SLC68A1: variants seen among roughly 807,000 people sequenced by gnomAD.
SLC68A1 encodes solute carrier family 68 member 1, also known as major facilitator superfamily domain containing 13A.
At chr10:102,465,489 T>C in the SLC68A1 span, among the ~76,000 whole-genome samples, 1 of 152,074 alleles carries the variant, frequency 6.6e-6, no homozygotes. Flanking sequence ...TGGCTTTAAA[T>C]TCCTTTTGCA....
chr10:102,475,060 G>A, the SLC68A1 span, among the ~76,000 whole-genome samples: 5 of 152,152 alleles, frequency 3.3e-5, no homozygotes, highest in Admixed American at 3.3e-4. Flanking sequence ...GGGAGGCTGA[G>A]GAGGGCAGAT....
At chr10:102,471,190 G>A in the SLC68A1 span, 28 of 1,599,918 alleles carry the variant, frequency 1.8e-5, no homozygotes, top group Middle Eastern at 1.7e-4. Flanking sequence ...CTGGGTCCCC[G>A]GCTGATGGGG....
chr10:102,476,446 C>A, the SLC68A1 span: 1 of 922,648 alleles, frequency 1.1e-6, no homozygotes, highest in Non-Finnish European at 1.3e-6. Context: ...CTCAAGTGAT[C>A]TGCCTGCCTT....
At chr10:102,474,142 TAG>T in the SLC68A1 span, 1 of 899,232 alleles carries the variant, frequency 1.1e-6, no homozygotes, top group Non-Finnish European at 1.6e-6. Context: ...TCAACATGGC[TAG>T]AGTCACTGGG....
the SLC68A1 span, chr10:102,475,781 G>T: frequency 9.9e-6 from 16 of 1,613,790 alleles, no homozygotes; most frequent in African/African-American, 1.3e-5. Context: ...TCCCTGGCCA[G>T]AGCCCCCAGC....
the SLC68A1 span, among the ~76,000 whole-genome samples, chr10:102,474,654 T>C: frequency 6.6e-6 from 1 of 152,032 alleles, no homozygotes; most frequent in East Asian, 1.9e-4. Context: ...TATTTATTTA[T>C]TTATTTACTT....
chr10:102,474,114 G>T, the SLC68A1 span: 1 of 1,275,280 alleles, frequency 7.8e-7, no homozygotes, highest in Non-Finnish European at 1.1e-6. Flanking sequence ...GTGACGGAAG[G>T]TGGCAACTGG....
the SLC68A1 span, chr10:102,476,686 G>A: frequency 4.1e-6 from 4 of 986,262 alleles, no homozygotes; most frequent in African/African-American, 1.7e-5. Context: ...TGCTTCTCTT[G>A]TAAGGCAGGA....
the SLC68A1 span, chr10:102,468,974 G>A: frequency 1.3e-5 from 19 of 1,513,518 alleles, no homozygotes; most frequent in African/African-American, 8.2e-5. Flanking sequence ...TGGGAAGACC[G>A]CCTGTGGCCA....
At chr10:102,471,038 G>C in the SLC68A1 span, 2 of 1,613,650 alleles carry the variant, frequency 1.2e-6, no homozygotes, top group Non-Finnish European at 1.7e-6. Context: ...GGGCTTTCTG[G>C]GGGCCACACA....
chr10:102,463,977 C>G, the SLC68A1 span, among the ~76,000 whole-genome samples: 1 of 152,146 alleles, frequency 6.6e-6, no homozygotes, highest in African/African-American at 2.4e-5. Flanking sequence ...AGGCATAAAG[C>G]TTGGGTGCTG....
the SLC68A1 span, among the ~76,000 whole-genome samples, chr10:102,464,726 G>T: frequency 1.4e-5 from 2 of 146,196 alleles, no homozygotes; most frequent in Non-Finnish European, 3.0e-5. Flanking sequence ...GGAGGCAGAG[G>T]TTGCAGTAAG....
chr10:102,472,766 G>T, the SLC68A1 span: 34 of 930,240 alleles, frequency 3.7e-5, no homozygotes, highest in African/African-American at 4.5e-4. Context: ...ATGGGGAGTT[G>T]GGGGGGATGT....
chr10:102,476,795 C>T, the SLC68A1 span: 339,699 of 985,576 alleles, frequency 0.34, 59,251 homozygotes, highest in Admixed American at 0.37. Flanking sequence ...TGGAGCTGGC[C>T]GCTGTGGTGG....
chr10:102,473,435 T>C, the SLC68A1 span: 1 of 912,254 alleles, frequency 1.1e-6, no homozygotes, highest in Admixed American at 2.4e-5. Flanking sequence ...GAAGATGAAC[T>C]AAGACAGTGA....
chr10:102,469,134 C>G, the SLC68A1 span: 23 of 1,614,134 alleles, frequency 1.4e-5, no homozygotes, highest in South Asian at 2.3e-4. Context: ...TCTTCCTGCT[C>G]TACTATGTGG....
At chr10:102,472,267 GTTTTC>G in the SLC68A1 span, 2 of 286,532 alleles carry the variant, frequency 7.0e-6, no homozygotes, top group Non-Finnish European at 6.8e-6. Context: ...TCACTAATGT[GTTTTC>G]TTTTCTTTTT....
the SLC68A1 span, among the ~76,000 whole-genome samples, chr10:102,471,762 G>GA: frequency 3.7e-4 from 53 of 144,410 alleles, no homozygotes; most frequent in Admixed American, 1.1e-3. Flanking sequence ...CCTTCTCAAA[G>GA]AAAAAAAAAA....
chr10:102,471,282 A>C, the SLC68A1 span: 1 of 1,613,856 alleles, frequency 6.2e-7, no homozygotes, highest in African/African-American at 1.3e-5. Flanking sequence ...GCCTGTGTGG[A>C]GAGGAGCTGC....
Sources: gnomAD v4.1 joint callset for allele counts (sites outside exome capture counted in the v4.1 genomes callset) on GRCh38, gnomAD v4.1.1 for gene constraint, MANE v1.5 for transcripts, NCBI Gene and HGNC (gene_info 2026-07-23, HGNC 2026-07-21) for gene names.